The following STEAP3 variants were observed in gnomAD, a reference collection of about 807,000 sequenced individuals.
STEAP3 encodes metalloreductase STEAP3.
A neutral mutation model predicts 34.9 loss-of-function variants in STEAP3; 35 were observed. That is an observed-to-expected ratio of 1.00 (90% CI 0.76 to 1.33). The LOEUF is 1.33. STEAP3 is among the 40% of genes most tolerant of loss of function. The probability of loss-of-function intolerance (pLI) is 0.00; values close to 1 mark genes in which losing one functional copy is unlikely to be tolerated. For missense variants in STEAP3, 652 were observed against 667.6 expected (o/e 0.98, Z 0.26); for synonymous variants, 281 against 301.6 (o/e 0.93, Z 0.71).
chr2:119,246,794 A>G (rs838081), intron 3 of STEAP3: 151,826 of 152,442 alleles, frequency 1, 75,612 homozygotes, highest in Middle Eastern at 1. Flanking sequence ...GCTGGCTGGA[A>G]AAGACTTGGA....
chr2:119,243,596 T>C (rs556466667), intron 2 of STEAP3, among the ~76,000 whole-genome samples: 10 of 152,156 alleles, frequency 6.6e-5, no homozygotes, highest in South Asian at 2.1e-4. Context: ...ACAGCAGCAA[T>C]GGGTGTATGG....
chr2:119,260,566 G>T (rs987185842), intron 5 of STEAP3, among the ~76,000 whole-genome samples: 19 of 152,294 alleles, frequency 1.2e-4, no homozygotes, highest in African/African-American at 4.6e-4. Context: ...AAAGTGCTGG[G>T]ATTACAGGCG....
At chr2:119,226,734 A>C (rs1163805596) in intron 1 of STEAP3, among the ~76,000 whole-genome samples, 1 of 152,086 alleles carries the variant, frequency 6.6e-6, no homozygotes, top group Non-Finnish European at 1.5e-5. Context: ...CATCCTTGGC[A>C]TGCCACACAC....
intron 1 of STEAP3, 97 bp from the exon 2 acceptor site, chr2:119,230,523 G>C (rs1268724621): frequency 6.2e-6 from 1 of 162,228 alleles, no homozygotes; most frequent in Non-Finnish European, 1.4e-5. Flanking sequence ...TTGATAAATT[G>C]CCACTTTCTG....
At chr2:119,233,281 G>C (rs1354653908) in intron 2 of STEAP3, among the ~76,000 whole-genome samples, 1 of 152,166 alleles carries the variant, frequency 6.6e-6, no homozygotes, top group East Asian at 1.9e-4. Context: ...CCTTAGATCT[G>C]GTGTTTGATT....
At chr2:119,262,500 A>T (rs1303687215) in intron 5 of STEAP3, among the ~76,000 whole-genome samples, 14 of 152,026 alleles carry the variant, frequency 9.2e-5, no homozygotes. Flanking sequence ...TCAGCCTCCC[A>T]AGTAGCTGGG....
chr2:119,250,795 G>C (rs1302840549), intron 4 of STEAP3, among the ~76,000 whole-genome samples: 1 of 152,182 alleles, frequency 6.6e-6, no homozygotes, highest in Admixed American at 6.5e-5. Flanking sequence ...AGGGCACAGA[G>C]GGGCGCATGC....
In STEAP3 at chr2:119,230,614, C is replaced by A. The variant is rs886343788; in HGVS notation, c.-393-6C>A. The A allele has an allele frequency of 7.6e-6, 2 of 264,294 alleles. No individual in the cohort carries two copies. Among genetic ancestry groups the A allele is most frequent in the South Asian group, 1.3e-4 (2 of 15,726 alleles). The allele number at this position is 264,294 out of a possible 1,614,324, so 16.4% of individuals were successfully genotyped here. A position where few individuals can be genotyped will look rare whatever the true frequency, so the allele number is the denominator to read the frequency against. ...TCTCTCGCTCACGTGTGTGTGCGCG[C>A]GTTAGATGACATTTATTCATTTTAT... On this transcript the variant is annotated splice_polypyrimidine_tract_variant and splice_region_variant and intron_variant, in intron 1 of 5. Coordinates refer to ENST00000393110, the MANE Select transcript of STEAP3 (RefSeq NM_182915.3).
rs545092390 is a variant in STEAP3 at position 119,224,645 on chromosome 2, G to A, written c.-394+757G>A. On this transcript the variant is annotated intron_variant, in intron 1 of 5. Coordinates refer to ENST00000393110, the MANE Select transcript of STEAP3 (RefSeq NM_182915.3). ...CCGTGGGGAGAAGCAGGAAGGTCCC[G>A]CTGGAGCCCTGGCAGAGGGCACAGA... 1.4e-4 allele frequency among the ~76,000 whole-genome samples: 21 copies of A among 152,328 alleles called. No individual in the cohort carries two copies. In the South Asian group the frequency reaches 2.1e-3, roughly 15 times the overall value.
chr2:119,235,582 A>T (rs1677071965), intron 2 of STEAP3, among the ~76,000 whole-genome samples: 2 of 152,230 alleles, frequency 1.3e-5, no homozygotes, highest in Non-Finnish European at 2.9e-5. Flanking sequence ...ATATGTTTTC[A>T]TCAGTCCTCC....
intron 2 of STEAP3, among the ~76,000 whole-genome samples, chr2:119,234,524 T>C (rs1187589773): frequency 6.6e-6 from 1 of 152,248 alleles, no homozygotes; most frequent in Non-Finnish European, 1.5e-5. Flanking sequence ...TCCAGCACTT[T>C]GCTTCTTCCT....
intron 2 of STEAP3, among the ~76,000 whole-genome samples, chr2:119,234,605 C>T (rs935645486): frequency 6.6e-5 from 10 of 152,224 alleles, no homozygotes; most frequent in African/African-American, 2.4e-4. Context: ...TGCATGGCCC[C>T]GGCGCCTTGC....
chr2:119,230,717 C>G lies in STEAP3; in HGVS notation c.-296C>G. The G allele has an allele frequency of 1.9e-6, 1 of 526,406 alleles. No individual in the cohort carries two copies. The allele number at this position is 526,406 out of a possible 1,614,324, so 32.6% of individuals were successfully genotyped here. A position where few individuals can be genotyped will look rare whatever the true frequency, so the allele number is the denominator to read the frequency against. ...TGAGTCTGAGCCACTAATTATCACC[C>G]GTGAGGTTTCCTCCCCGAGCAGGAA... On this transcript the variant is annotated 5_prime_UTR_variant, in exon 2 of 6. Coordinates refer to ENST00000393110, the MANE Select transcript of STEAP3 (RefSeq NM_182915.3).
intron 4 of STEAP3, among the ~76,000 whole-genome samples, chr2:119,249,706 C>G (rs546397170): frequency 3.9e-5 from 6 of 152,314 alleles, no homozygotes; most frequent in African/African-American, 1.4e-4. Flanking sequence ...CAGACCTCAG[C>G]CCCTACTCAC....
At chr2:119,255,855 G>A (rs755969776) in intron 5 of STEAP3, among the ~76,000 whole-genome samples, 91 of 152,202 alleles carry the variant, frequency 6.0e-4, no homozygotes, top group Non-Finnish European at 9.8e-4. Context: ...ACTTACTGCA[G>A]GCCAGGCATC....
intron 1 of STEAP3, among the ~76,000 whole-genome samples, chr2:119,228,081 C>T (rs1438914912): frequency 1.3e-5 from 2 of 152,122 alleles, no homozygotes; most frequent in African/African-American, 2.4e-5. Flanking sequence ...CCACCTGCCT[C>T]GGCCTCCCAA....
intron 4 of STEAP3, 118 bp downstream of exon 4, chr2:119,248,324 C>A: frequency 8.5e-7 from 1 of 1,172,002 alleles, no homozygotes; most frequent in Non-Finnish European, 1.2e-6. Context: ...CAGGTGCCAA[C>A]TGCAGATTCT....
chr2:119,236,224 T>A (rs999963992), intron 2 of STEAP3, among the ~76,000 whole-genome samples: 4 of 152,214 alleles, frequency 2.6e-5, no homozygotes, highest in African/African-American at 9.6e-5. Flanking sequence ...AGGAATAGAA[T>A]TAAAAATGAG....
At chr2:119,257,795 G>A (rs1166766354) in intron 5 of STEAP3, 1 of 1,241,516 alleles carries the variant, frequency 8.1e-7, no homozygotes, top group Admixed American at 4.0e-5. Context: ...AGGCTATGGG[G>A]ACAGCCATGG....
Sources: gnomAD v4.1 joint callset for allele counts (sites outside exome capture counted in the v4.1 genomes callset) on GRCh38, gnomAD v4.1.1 for gene constraint, MANE v1.5 for transcripts, NCBI Gene and HGNC (gene_info 2026-07-23, HGNC 2026-07-21) for gene names.